FGF1: variants seen among roughly 807,000 people sequenced by gnomAD.
FGF1 encodes fibroblast growth factor 1.
A neutral mutation model predicts 13.4 loss-of-function variants in FGF1; 9 were observed. The observed-to-expected ratio is 0.67, with a 90% confidence interval of 0.40 to 1.17. The LOEUF is 1.17. Among genes scored for constraint, FGF1 ranks in the 50% most tolerant of loss-of-function variants. The pLI is 0.01. For missense variants in FGF1, 156 were observed against 192.7 expected (o/e 0.81, Z 1.13); for synonymous variants, 93 against 79.0 (o/e 1.18, Z -0.94).
At chr5:142,608,558 A>ATATACACATC (rs1554077112) in intron 2 of FGF1, among the ~76,000 whole-genome samples, 2 of 85,776 alleles carry the variant, frequency 2.3e-5, no homozygotes, top group African/African-American at 1.3e-4. Context: ...ATATATATAT[A>ATATACACATC]TATATATATA....
chr5:142,678,092 AG>A (rs1489967256), intron 1 of FGF1, among the ~76,000 whole-genome samples: 3 of 152,184 alleles, frequency 2.0e-5, no homozygotes, highest in Non-Finnish European at 4.4e-5. Flanking sequence ...GCAGAGGAGC[AG>A]ACAGGAGGCC....
intron 1 of FGF1, among the ~76,000 whole-genome samples, chr5:142,660,177 C>T (rs905574996): frequency 2.6e-5 from 4 of 152,244 alleles, no homozygotes; most frequent in African/African-American, 7.2e-5. Flanking sequence ...CACGCTCATC[C>T]GGGGTGAGAA....
chr5:142,620,486 T>C (rs987495293), intron 1 of FGF1, among the ~76,000 whole-genome samples: 9 of 152,038 alleles, frequency 5.9e-5, no homozygotes, highest in Admixed American at 2.0e-4. Flanking sequence ...GCAAAAAGAA[T>C]GACTAAAGAT....
chr5:142,673,126 C>T (rs986164497), intron 1 of FGF1, among the ~76,000 whole-genome samples: 2 of 152,112 alleles, frequency 1.3e-5, no homozygotes, highest in Non-Finnish European at 2.9e-5. Context: ...AGCAGTAACA[C>T]AATAGTGTTT....
chr5:142,670,037 C>T (rs964223763), intron 1 of FGF1, among the ~76,000 whole-genome samples: 4 of 152,128 alleles, frequency 2.6e-5, no homozygotes, highest in Non-Finnish European at 5.9e-5. Context: ...AAAGTGGGTG[C>T]CGGAGCCTCG....
chr5:142,637,866 A>G lies in FGF1; in HGVS notation c.-34-23705T>C, dbSNP rs927299297. Among the ~76,000 whole-genome samples, 20 of 152,060 alleles carry G rather than the reference A, an allele frequency of 1.3e-4. 2 individuals are homozygous for G. Among genetic ancestry groups the G allele is most frequent in the African/African-American group, 4.8e-4 (20 of 41,302 alleles). ...CCATTTGTGAGGGAGGTTTAAGGGC[A>G]GGACAGAGCCTGGAGGGGAAAGGGT... is the stretch of plus-strand genomic sequence containing the variant. On this transcript the variant is annotated intron_variant, in intron 1 of 3. Transcript: ENST00000337706.
Position 142,595,448 on chromosome 5 carries a change from GC to G in FGF1, c.309del (p.Arg103SerfsTer61). ...TAGGTGTTGTAATGGTTCTCCTCCA[GC>G]CTTTCCAGGAACAAACATTCCTCAT... ...TPNEECLFLERLEENHYNTYI... is the reference protein window; with the variant it reads ...TPNEECLFLEXLEENHYNTYI... On this transcript the variant is annotated frameshift_variant, in exon 4 of 4. Transcript: ENST00000337706. LOFTEE classifies it high-confidence loss of function. 2 of 1,613,894 alleles carry G rather than the reference GC, an allele frequency of 1.2e-6. No individual in the cohort carries two copies. The highest frequency in any genetic ancestry group is 1.7e-6 in the Non-Finnish European group (2 of 1,179,868).
At chr5:142,614,651 G>T (rs1759828955) in intron 1 of FGF1, among the ~76,000 whole-genome samples, 1 of 152,164 alleles carries the variant, frequency 6.6e-6, no homozygotes, top group South Asian at 2.1e-4. Flanking sequence ...GGACGTTCGG[G>T]ACCTGCAGCC....
intron 1 of FGF1, among the ~76,000 whole-genome samples, chr5:142,630,789 C>A (rs900120301): frequency 2.6e-5 from 4 of 152,338 alleles, no homozygotes; most frequent in Admixed American, 2.6e-4. Context: ...GTACCACCAC[C>A]TCAGAGGTCT....
intron 1 of FGF1, among the ~76,000 whole-genome samples, chr5:142,668,495 G>T (rs1329492099): frequency 2.0e-5 from 3 of 152,120 alleles, no homozygotes; most frequent in African/African-American, 7.2e-5. Context: ...GCCCCAGTAA[G>T]GACTTATATA....
intron 1 of FGF1, among the ~76,000 whole-genome samples, chr5:142,640,230 A>C (rs943481029): frequency 6.6e-6 from 1 of 152,028 alleles, no homozygotes; most frequent in Non-Finnish European, 1.5e-5. Context: ...TTTATCAGGC[A>C]CTGGGAACAC....
At chr5:142,646,206 GC>G in intron 1 of FGF1, among the ~76,000 whole-genome samples, 1 of 108,802 alleles carries the variant, frequency 9.2e-6, no homozygotes, top group African/African-American at 3.8e-5. Context: ...ACCGCACCTG[GC>G]CTTTTTTTTT....
chr5:142,669,899 C>T (rs1771125493), intron 1 of FGF1, among the ~76,000 whole-genome samples: 1 of 152,174 alleles, frequency 6.6e-6, no homozygotes, highest in African/African-American at 2.4e-5. Context: ...CACAGAGGAG[C>T]AACCCCAGGA....
At chr5:142,630,778 A>G (rs950008520) in intron 1 of FGF1, among the ~76,000 whole-genome samples, 1 of 152,308 alleles carries the variant, frequency 6.6e-6, no homozygotes, top group Non-Finnish European at 1.5e-5. Flanking sequence ...GGGCAGCTAA[A>G]GTACCACCAC....
intron 1 of FGF1, among the ~76,000 whole-genome samples, chr5:142,663,857 T>A (rs922813571): frequency 4.1e-4 from 62 of 151,902 alleles, no homozygotes; most frequent in African/African-American, 1.4e-3. Context: ...GGCTGAAGAG[T>A]TAAGACACTT....
chr5:142,656,691 C>T (rs1180019582), intron 1 of FGF1, among the ~76,000 whole-genome samples: 1 of 151,928 alleles, frequency 6.6e-6, no homozygotes, highest in African/African-American at 2.4e-5. Flanking sequence ...TAGCAGGCAG[C>T]CATAAGAAAA....
At chr5:142,615,608 C>G (rs1235444425) in intron 1 of FGF1, among the ~76,000 whole-genome samples, 1 of 152,082 alleles carries the variant, frequency 6.6e-6, no homozygotes, top group Non-Finnish European at 1.5e-5. Context: ...AAAATCATCA[C>G]CCTCATCATT....
chr5:142,672,430 C>T (rs745976521), intron 1 of FGF1, among the ~76,000 whole-genome samples: 5 of 151,462 alleles, frequency 3.3e-5, no homozygotes, highest in East Asian at 1.9e-4. Context: ...ACATGAAATA[C>T]ACAGCAAATT....
chr5:142,600,875 G>A (rs1756391577), intron 2 of FGF1, 70 bp from the exon 3 acceptor site: 1 of 1,130,574 alleles, frequency 8.8e-7, no homozygotes, highest in Admixed American at 1.9e-5. Context: ...CGGCAGCCAG[G>A]ACAGTTGGCC....
Sources: allele counts gnomAD v4.1 joint callset (sites outside exome capture counted in the v4.1 genomes callset), GRCh38; gene constraint gnomAD v4.1.1; transcripts MANE v1.5; gene names NCBI Gene and HGNC (gene_info 2026-07-23, HGNC 2026-07-21).